CCDC30: variants seen among roughly 807,000 people sequenced by gnomAD.
CCDC30 encodes the protein coiled-coil domain containing 30.
A neutral mutation model predicts 100.2 loss-of-function variants in CCDC30; 70 were observed. That is an observed-to-expected ratio of 0.70 (90% confidence interval 0.58 to 0.85). The LOEUF is 0.85. CCDC30 is among the 40% of genes least tolerant of loss of function. The pLI is 0.00. For missense variants in CCDC30, 652 were observed against 771.2 expected (o/e 0.85, Z 1.83); for synonymous variants, 233 against 269.5 (o/e 0.86, Z 1.33).
chr1:42,609,723 GACTAT>G (rs1381946793), intron 10 of CCDC30, among the ~76,000 whole-genome samples: 6 of 152,218 alleles, frequency 3.9e-5, no homozygotes, highest in African/African-American at 1.4e-4. Flanking sequence ...GGGCCTCGAG[GACTAT>G]AGGCATCCCC....
chr1:42,543,579 CTT>C (rs1645061495), intron 6 of CCDC30, among the ~76,000 whole-genome samples: 1 of 152,176 alleles, frequency 6.6e-6, no homozygotes, highest in African/African-American at 2.4e-5. Flanking sequence ...CAGCTCCTTA[CTT>C]TGTAGCCTCT....
intron 10 of CCDC30, among the ~76,000 whole-genome samples, chr1:42,608,220 C>G (rs778545558): frequency 9.9e-5 from 15 of 152,162 alleles, no homozygotes; most frequent in Non-Finnish European, 1.9e-4. Flanking sequence ...AGGCTCATCA[C>G]ACACGGTACT....
chr1:42,620,898 G>A (rs1165666193), intron 11 of CCDC30, among the ~76,000 whole-genome samples: 1 of 152,140 alleles, frequency 6.6e-6, no homozygotes, highest in Non-Finnish European at 1.5e-5. Context: ...CTCTCTGGGT[G>A]CACCACCCTC....
At chr1:42,512,055 A>G (rs947036332) in intron 6 of CCDC30, among the ~76,000 whole-genome samples, 1 of 152,248 alleles carries the variant, frequency 6.6e-6, no homozygotes, top group African/African-American at 2.4e-5. Flanking sequence ...CCTTACGGGA[A>G]ACAAAGGGAT....
chr1:42,473,228 C>T, intron 1 of CCDC30: 8 of 1,231,480 alleles, frequency 6.5e-6, no homozygotes, highest in Non-Finnish European at 8.1e-6. Flanking sequence ...CCAGCCAGCA[C>T]AGTGAAGACA....
intron 13 of CCDC30, among the ~76,000 whole-genome samples, chr1:42,643,674 C>T (rs1029019044): frequency 3.3e-5 from 5 of 151,934 alleles, no homozygotes; most frequent in African/African-American, 1.2e-4. Context: ...CCTCATTTTA[C>T]AAATAAGGAA....
At chr1:42,587,142 C>T (rs866761390) in intron 9 of CCDC30, among the ~76,000 whole-genome samples, 17 of 152,144 alleles carry the variant, frequency 1.1e-4, no homozygotes, top group South Asian at 4.1e-4. Context: ...GGACTACAGG[C>T]GCATGCCACC....
chr1:42,518,913 GTGGATTTTTCATA>G (rs1644594571), intron 6 of CCDC30, among the ~76,000 whole-genome samples: 1 of 152,192 alleles, frequency 6.6e-6, no homozygotes, highest in Non-Finnish European at 1.5e-5. Context: ...AATGTTCACT[GTGGATTTTTCATA>G]TGGATTTTTA....
exon 10 of CCDC30, chr1:42,589,378 T>C: frequency 6.2e-7 from 1 of 1,613,520 alleles, no homozygotes; most frequent in South Asian, 1.1e-5. Context: ...CCTTACAAGA[T>C]AAAGAAAATC....
intron 9 of CCDC30, among the ~76,000 whole-genome samples, chr1:42,584,436 A>G (rs535686673): frequency 1.5e-4 from 23 of 152,214 alleles, no homozygotes; most frequent in African/African-American, 5.3e-4. Flanking sequence ...ACTTAAAAAT[A>G]CAAAAATTAG....
upstream of CCDC30, among the ~76,000 whole-genome samples, chr1:42,458,526 TG>T (rs893019600): frequency 3.0e-4 from 46 of 152,344 alleles, no homozygotes; most frequent in African/African-American, 1.1e-3. Flanking sequence ...CCTGCCTTTG[TG>T]TTGCTTCCTC....
intron 6 of CCDC30, chr1:42,537,434 C>T (rs36113932): frequency 0.038 from 13,700 of 358,172 alleles, 377 homozygotes; most frequent in Non-Finnish European, 0.054. Flanking sequence ...CATTTACCCT[C>T]TTCCTGTGGT....
At chr1:42,464,333 GT>G (rs1557783225) in intron 1 of CCDC30, 2 of 152,170 alleles carry the variant, frequency 1.3e-5, no homozygotes, top group African/African-American at 4.8e-5. Context: ...GTTGTTCCTT[GT>G]TTCATTAAAT....
intron 6 of CCDC30, among the ~76,000 whole-genome samples, chr1:42,531,847 G>C (rs1444710407): frequency 1.3e-5 from 2 of 152,164 alleles, no homozygotes; most frequent in Non-Finnish European, 2.9e-5. Flanking sequence ...CTTCAGTGTT[G>C]TAATGACTCT....
upstream of CCDC30, chr1:42,459,816 A>AC (rs1388454382): frequency 6.2e-7 from 1 of 1,614,114 alleles, no homozygotes; most frequent in Non-Finnish European, 8.5e-7. Context: ...AGACTCGGAA[A>AC]CCAAGTTATT....
intron 10 of CCDC30, chr1:42,592,731 A>G (rs933626465): frequency 6.6e-6 from 1 of 152,118 alleles, no homozygotes; most frequent in African/African-American, 2.4e-5. Context: ...AAATAAATAA[A>G]TAAAACTTAA....
intron 6 of CCDC30, among the ~76,000 whole-genome samples, chr1:42,549,427 G>A (rs1049564114): frequency 9.9e-5 from 15 of 152,150 alleles, no homozygotes; most frequent in South Asian, 2.1e-4. Flanking sequence ...GCTGAGTCAC[G>A]AGAAGTACTA....
intron 7 of CCDC30, among the ~76,000 whole-genome samples, chr1:42,574,435 G>T (rs140664381): frequency 3.3e-5 from 5 of 151,212 alleles, no homozygotes; most frequent in Admixed American, 3.3e-4. Flanking sequence ...TTTTAACAAA[G>T]GTAGCTTTTG....
chr1:42,461,714 T>C (rs1643417925), upstream of CCDC30, among the ~76,000 whole-genome samples: 2 of 151,898 alleles, frequency 1.3e-5, no homozygotes, highest in Non-Finnish European at 2.9e-5. Flanking sequence ...GCCCAGCTAA[T>C]TTTTGCATTT....
Sources: gnomAD v4.1 joint callset for allele counts (sites outside exome capture counted in the v4.1 genomes callset) on GRCh38, gnomAD v4.1.1 for gene constraint, MANE v1.5 for transcripts, NCBI Gene and HGNC (gene_info 2026-07-23, HGNC 2026-07-21) for gene names.